Variants in MRPL45 observed in about 807,000 individuals in gnomAD.
MRPL45 encodes the protein mitochondrial ribosomal protein L45, also known as large ribosomal subunit protein mL45.
Under a neutral mutation model 38.1 loss-of-function variants are expected in MRPL45, and 20 were observed. That is an observed-to-expected ratio of 0.53 (90% CI 0.37 to 0.76). The LOEUF (loss-of-function observed/expected upper bound fraction) is 0.76, where lower values mean the gene tolerates loss of function less well. Among genes scored for constraint, MRPL45 ranks in the 30% least tolerant of loss-of-function variants. MRPL45 has a pLI of 0.00. For synonymous variants in MRPL45, 105 were observed against 128.8 expected, an observed-to-expected ratio of 0.82 and a Z score of 1.25; for missense variants, 337 against 395.6, an observed-to-expected ratio of 0.85 and a Z score of 1.26.
intron 3 of MRPL45, among the ~76,000 whole-genome samples, chr17:38,301,913 C>T (rs1481136975): frequency 4.0e-5 from 6 of 151,378 alleles, no homozygotes; most frequent in Non-Finnish European, 8.8e-5. Context: ...GTCAGGAGAT[C>T]GAGACCATCC....
intron 5 of MRPL45, 53 bp downstream of exon 5, chr17:38,318,788 G>C (rs2144237318): frequency 8.2e-7 from 1 of 1,226,014 alleles, no homozygotes; most frequent in Non-Finnish European, 1.2e-6. Context: ...GCAGATTCTA[G>C]ATGGCGTCTC....
chr17:38,310,405 T>G (rs1323545647), intron 4 of MRPL45, among the ~76,000 whole-genome samples: 1 of 151,524 alleles, frequency 6.6e-6, no homozygotes, highest in Non-Finnish European at 1.5e-5. Flanking sequence ...CTCCGCTCAC[T>G]GCATCCTCTG....
intron 4 of MRPL45, among the ~76,000 whole-genome samples, chr17:38,316,689 TC>T (rs1411131460): frequency 8.4e-6 from 1 of 118,684 alleles, no homozygotes; most frequent in African/African-American, 3.2e-5. Flanking sequence ...GCACCTGTAG[TC>T]CCAGAATCTC....
At chr17:38,322,033 A>AG in intron 6 of MRPL45, 93 bp from the exon 7 acceptor site, 2 of 834,170 alleles carry the variant, frequency 2.4e-6, no homozygotes, top group Non-Finnish European at 3.3e-6. Flanking sequence ...CTCTGTCTCA[A>AG]AAAAAAAAAA....
Position 38,322,659 on chromosome 17 carries a change from C to A in MRPL45, c.*64C>A. 1.6e-6 allele frequency: 2 copies of A among 1,223,778 alleles called. No individual in the cohort carries two copies. Among genetic ancestry groups the A allele is most frequent in the Non-Finnish European group, 2.4e-6 (2 of 845,038 alleles). 75.8% of individuals were successfully genotyped at this position (1,223,778 alleles called of 1,614,324 possible). On this transcript the variant is annotated 3_prime_UTR_variant, in exon 8 of 8. Coordinates refer to ENST00000613675, the MANE Select transcript of MRPL45 (RefSeq NM_032351.6). Reference sequence around the variant, plus strand: ...GGCTGCTGGAAGCTTTGAAGTCTCCCATTCCCCTCATGCTATAAAAAGAAC... The same window carrying A: ...GGCTGCTGGAAGCTTTGAAGTCTCCAATTCCCCTCATGCTATAAAAAGAAC...
At chr17:38,321,001 G>A (rs1261805698) in intron 6 of MRPL45, among the ~76,000 whole-genome samples, 1 of 151,970 alleles carries the variant, frequency 6.6e-6, no homozygotes. Context: ...CCCCAAGACA[G>A]GGTCTCATTC....
At chr17:38,313,511 C>A (rs9905265) in intron 4 of MRPL45, among the ~76,000 whole-genome samples, 1 of 148,558 alleles carries the variant, frequency 6.7e-6, no homozygotes, top group Admixed American at 6.8e-5. Context: ...TGTGAGCCAC[C>A]ATGCCCAGCC....
At chr17:38,316,606 C>T (rs111500965) in intron 4 of MRPL45, among the ~76,000 whole-genome samples, 2,253 of 151,544 alleles carry the variant, frequency 0.015, 42 homozygotes, top group African/African-American at 0.046. Flanking sequence ...TCCAGGAGTT[C>T]GAGACCAGCC....
At position 38,322,282 on chromosome 17, in the gene MRPL45, A is replaced by T. The variant is rs2037238245; in HGVS notation, c.817A>T (p.Lys273Ter). The T allele has an allele frequency of 6.2e-7, 1 of 1,613,902 alleles. No individual in the cohort carries two copies. The highest frequency in any genetic ancestry group is 8.5e-7 in the Non-Finnish European group (1 of 1,179,986). The change falls in exon 7 of 8, where the codon AAG becomes TAG. Residue 273 changes from lysine (K) to a stop codon, truncating the protein, a stop_gained. Coordinates refer to ENST00000613675, the MANE Select transcript of MRPL45 (RefSeq NM_032351.6). LOFTEE classifies it high-confidence loss of function. ...TKIVPPWAPP[K>*]QPILKTVMIP... Reference sequence around the variant, plus strand: ...GATCGTTCCCCCATGGGCACCCCCTAAGCAGCCCATCCTTAAGGTAAGGTG... The same window carrying T: ...GATCGTTCCCCCATGGGCACCCCCTTAGCAGCCCATCCTTAAGGTAAGGTG...
At chr17:38,317,685 C>A (rs1035358075) in intron 4 of MRPL45, among the ~76,000 whole-genome samples, 3 of 151,998 alleles carry the variant, frequency 2.0e-5, no homozygotes, top group African/African-American at 7.2e-5. Context: ...CATTCTCCTG[C>A]CTTAGCCTCC....
Position 38,321,768 on chromosome 17 carries a change from C to T in MRPL45, c.661-358C>T, listed in dbSNP as rs543147334. Among the ~76,000 whole-genome samples, 183 of 151,240 alleles carry T rather than the reference C, an allele frequency of 1.2e-3. 1 individual carries two copies. The highest frequency in any genetic ancestry group is 4.2e-3 in the African/African-American group (171 of 41,188). ...GTGGCAGGCTGGGTGCAGTGGCTCA[C>T]GCCTGTAATCCCAGCACTTTGAGAG... is the stretch of plus-strand genomic sequence containing the variant. On this transcript the variant is annotated intron_variant, in intron 6 of 7. Transcript: ENST00000613675.
chr17:38,319,277 C>G (rs1349295188), intron 5 of MRPL45, among the ~76,000 whole-genome samples: 2 of 151,884 alleles, frequency 1.3e-5, no homozygotes, highest in East Asian at 3.9e-4. Flanking sequence ...CCTCGTGATC[C>G]GGCCACCTCG....
intron 4 of MRPL45, among the ~76,000 whole-genome samples, chr17:38,311,777 G>A (rs1477781754): frequency 9.9e-5 from 15 of 151,808 alleles, no homozygotes; most frequent in Admixed American, 2.6e-4. Context: ...TATGAGGAAC[G>A]GGCTCTCACC....
chr17:38,309,103 C>T (rs1217576860), intron 4 of MRPL45, among the ~76,000 whole-genome samples: 1 of 149,182 alleles, frequency 6.7e-6, no homozygotes, highest in Non-Finnish European at 1.5e-5. Flanking sequence ...GACAGGGTTT[C>T]ACCATATTGG....
Position 38,299,424 on chromosome 17 carries a change from A to G in MRPL45, c.318A>G (p.Ile106Met), listed in dbSNP as rs146880577. 1.4e-4 allele frequency: 220 copies of G among 1,611,998 alleles called. 1 individual carries two copies. The African/African-American group carries it at 2.5e-3, about 18-fold the overall frequency. ...CATCTCTTTCAAAGGAGGGACTGAT[A>G]GAGAGAACTGAACGAATGAAGAAGA... ...RISSLSKEGL[I>M]ERTERMKKTM... Residue 106 changes from isoleucine to methionine, a missense_variant, in exon 3 of 8, where the codon ATA becomes ATG. This residue lies in a region of MRPL45 where 251 missense variants were observed against 269.1 expected (regional missense o/e 0.93). Transcript: ENST00000613675.
rs1442029280 is a variant in MRPL45, at chr17:38,297,190, GC to G, written c.12del (p.Ile5TyrfsTer22). MA[A>X]PIPQGFSCLS... ...CGGCCTTTGCGGGAACAAGATGGCAGCCCCCATACCTCAAGGGTTCTCTTGT... is the reference window on the plus strand; with the variant it reads ...CGGCCTTTGCGGGAACAAGATGGCAGCCCCATACCTCAAGGGTTCTCTTGT... On this transcript the variant is annotated frameshift_variant, in exon 1 of 8. Coordinates refer to ENST00000613675, the MANE Select transcript of MRPL45 (RefSeq NM_032351.6). LOFTEE classifies it high-confidence loss of function. 1.9e-6 allele frequency: 3 copies of G among 1,614,072 alleles called. No individual in the cohort carries two copies. Among genetic ancestry groups the G allele is most frequent in the South Asian group, 2.2e-5 (2 of 91,088 alleles).
At chr17:38,318,662 T>C (rs777530717) in intron 4 of MRPL45, 25 bp from the exon 5 acceptor site, 17 of 1,548,178 alleles carry the variant, frequency 1.1e-5, no homozygotes, top group Middle Eastern at 3.4e-4. Context: ...CAATAGTCAA[T>C]GATATTTATT....
At chr17:38,299,846 C>T (rs1000020856) in intron 3 of MRPL45, among the ~76,000 whole-genome samples, 18 of 151,772 alleles carry the variant, frequency 1.2e-4, no homozygotes, top group African/African-American at 2.4e-4. Context: ...AAATGATCCT[C>T]CTGCCTCAGC....
chr17:38,316,676 C>T (rs572114678), intron 4 of MRPL45, among the ~76,000 whole-genome samples: 7 of 119,266 alleles, frequency 5.9e-5, no homozygotes, highest in African/African-American at 1.6e-4. Context: ...GGTGTGGTGG[C>T]GTGCACCTGT....
Sources: gnomAD v4.1 joint callset for allele counts (sites outside exome capture counted in the v4.1 genomes callset) on GRCh38, gnomAD v4.1.1 for gene constraint, gnomAD v4.1.1 regional missense constraint, MANE v1.5 for transcripts, NCBI Gene and HGNC (gene_info 2026-07-23, HGNC 2026-07-21) for gene names.